Variants in CENPP observed in about 807,000 individuals in gnomAD.
CENPP encodes the protein centromere protein P.
CENPP carries 24 observed loss-of-function variants against 35.6 expected under a neutral mutation model. That is an observed-to-expected ratio of 0.67 (90% confidence interval 0.49 to 0.95). The LOEUF (loss-of-function observed/expected upper bound fraction) is 0.95, where lower values mean the gene tolerates loss of function less well. Among genes scored for constraint, CENPP ranks in the 40% least tolerant of loss-of-function variants. The pLI, the probability that CENPP is intolerant of heterozygous loss-of-function variation, is 0.00. For synonymous variants in CENPP, 120 were observed against 125.5 expected (o/e 0.96, Z 0.29); for missense variants, 332 against 345.3 (o/e 0.96, Z 0.31).
At chr9:92,401,254 C>A in intron 5 of CENPP, 1 of 725,462 alleles carries the variant, frequency 1.4e-6, no homozygotes, top group Non-Finnish European at 2.4e-6. Context: ...ATGAAGGGAT[C>A]ACAGACACCT....
At chr9:92,513,055 T>C (rs1424260355) in intron 5 of CENPP, among the ~76,000 whole-genome samples, 2 of 152,304 alleles carry the variant, frequency 1.3e-5, no homozygotes, top group East Asian at 3.9e-4. Context: ...TGCACAAATG[T>C]GTTGACCTTT....
chr9:92,465,894 G>A (rs868460749), intron 5 of CENPP, among the ~76,000 whole-genome samples: 2 of 150,800 alleles, frequency 1.3e-5, no homozygotes, highest in Middle Eastern at 3.4e-3. Context: ...GTGCAGTGGC[G>A]CAATCTCGGC....
intron 5 of CENPP, among the ~76,000 whole-genome samples, chr9:92,579,409 G>A (rs1444874689): frequency 4.6e-4 from 66 of 144,512 alleles, no homozygotes; most frequent in South Asian, 1.6e-3. Flanking sequence ...CCATTTTCAC[G>A]ATATTGATTC....
chr9:92,394,985 T>C (rs1367272426), intron 5 of CENPP, among the ~76,000 whole-genome samples: 2 of 152,230 alleles, frequency 1.3e-5, no homozygotes, highest in Non-Finnish European at 2.9e-5. Flanking sequence ...TTTATTTTAA[T>C]AGTCAAATTG....
At chr9:92,333,464 A>T (rs1840820636) in intron 2 of CENPP, among the ~76,000 whole-genome samples, 1 of 152,258 alleles carries the variant, frequency 6.6e-6, no homozygotes, top group Non-Finnish European at 1.5e-5. Flanking sequence ...TAGAGTCTTG[A>T]CAAAGCTAAT....
intron 5 of CENPP, chr9:92,466,311 C>A (rs1564336331): frequency 1.6e-6 from 2 of 1,237,682 alleles, no homozygotes; most frequent in Middle Eastern, 2.6e-4. Context: ...TCTACATCTG[C>A]TTGTTTGTTA....
rs539531210 is a variant in CENPP at position 92,367,774 on chromosome 9, C to T, written c.468-11989C>T. 6.6e-5 allele frequency among the ~76,000 whole-genome samples: 10 copies of T among 152,218 alleles called. No homozygotes were observed. The East Asian group carries it at 1.7e-3, about 26-fold the overall frequency. On this transcript the variant is annotated intron_variant, in intron 4 of 7. Transcript: ENST00000375587. ...CTGGGATTACAGGTGCCCGCCATCA[C>T]GCCCAGCTAGTTTTTGTATTTTTAG... is the stretch of plus-strand genomic sequence containing the variant.
intron 5 of CENPP, among the ~76,000 whole-genome samples, chr9:92,604,928 G>A (rs760415031): frequency 2.0e-5 from 3 of 151,980 alleles, no homozygotes; most frequent in Non-Finnish European, 4.4e-5. Flanking sequence ...GGCTAACCCA[G>A]AATTACACAG....
At chr9:92,605,652 A>G (rs901635698) in intron 5 of CENPP, among the ~76,000 whole-genome samples, 3 of 152,212 alleles carry the variant, frequency 2.0e-5, no homozygotes, top group Non-Finnish European at 4.4e-5. Context: ...TTAACTCAAA[A>G]TGGATCAAAG....
intron 3 of CENPP, among the ~76,000 whole-genome samples, chr9:92,343,635 A>G (rs1588043328): frequency 1.3e-5 from 2 of 152,206 alleles, no homozygotes; most frequent in African/African-American, 4.8e-5. Context: ...AGGGTGCTTC[A>G]TGAGAGATTT....
At chr9:92,571,499 A>G (rs539893562) in intron 5 of CENPP, among the ~76,000 whole-genome samples, 7 of 152,318 alleles carry the variant, frequency 4.6e-5, no homozygotes, top group African/African-American at 1.7e-4. Context: ...TTTACTTCCA[A>G]CTATGTGGTC....
intron 5 of CENPP, among the ~76,000 whole-genome samples, chr9:92,381,899 T>A (rs76602654): frequency 2.0e-5 from 1 of 49,988 alleles, no homozygotes; most frequent in Admixed American, 1.5e-4. Flanking sequence ...ATTTTCTGCT[T>A]TTTTTTTTTT....
At chr9:92,515,703 T>C (rs1229934818) in intron 5 of CENPP, among the ~76,000 whole-genome samples, 1 of 152,264 alleles carries the variant, frequency 6.6e-6, no homozygotes, top group Non-Finnish European at 1.5e-5. Context: ...CTTTTGCTTA[T>C]AGATTTGTCA....
rs774564800 is a variant in CENPP, at chr9:92,390,003, C to T, written c.564+10144C>T. 1.2e-6 allele frequency: 2 copies of T among 1,609,336 alleles called. No individual in the cohort carries two copies. Among genetic ancestry groups the T allele is most frequent in the East Asian group, 2.2e-5 (1 of 44,720 alleles). ...AACAGAGAAAGTTTTGAAAAAGTAC[C>T]ATCTTCTATATCTTCTATCAAATTT... On this transcript the variant is annotated intron_variant, in intron 5 of 7. Coordinates refer to ENST00000375587, the MANE Select transcript of CENPP (RefSeq NM_001012267.3).
chr9:92,569,367 G>A (rs1314845970), intron 5 of CENPP, among the ~76,000 whole-genome samples: 5 of 152,060 alleles, frequency 3.3e-5, no homozygotes, highest in Non-Finnish European at 5.9e-5. Flanking sequence ...TTTTTGTCAG[G>A]TTTGTCAAAG....
chr9:92,495,486 C>T, intron 5 of CENPP: 12 of 983,852 alleles, frequency 1.2e-5, no homozygotes, highest in African/African-American at 3.5e-5. Flanking sequence ...ATTAGATTTA[C>T]CTTTACAAGG....
intron 5 of CENPP, among the ~76,000 whole-genome samples, chr9:92,392,101 G>T (rs1047464622): frequency 1.3e-5 from 2 of 152,054 alleles, no homozygotes; most frequent in Non-Finnish European, 1.5e-5. Context: ...ATTTGGTACT[G>T]CAGAAATGGA....
At chr9:92,386,646 G>C (rs1167061846) in intron 5 of CENPP, among the ~76,000 whole-genome samples, 1 of 152,134 alleles carries the variant, frequency 6.6e-6, no homozygotes, top group Non-Finnish European at 1.5e-5. Flanking sequence ...ATGTGGGATT[G>C]AATTTTGACC....
chr9:92,403,169 A>C (rs1843188382), intron 5 of CENPP: 1 of 1,129,660 alleles, frequency 8.9e-7, no homozygotes, highest in Admixed American at 2.5e-5. Flanking sequence ...CATTCAGGAA[A>C]AGCAAAAACA....
Sources: allele counts gnomAD v4.1 joint callset (sites outside exome capture counted in the v4.1 genomes callset), GRCh38; gene constraint gnomAD v4.1.1; transcripts MANE v1.5; gene names NCBI Gene and HGNC (gene_info 2026-07-23, HGNC 2026-07-21).